ARHGAP25: variants seen among roughly 807,000 people sequenced by gnomAD.
The protein encoded by ARHGAP25 is rho GTPase-activating protein 25.
Under a neutral mutation model 71.0 loss-of-function variants are expected in ARHGAP25, and 34 were observed. The ratio of observed to expected loss-of-function variants is 0.48; its 90% confidence interval spans 0.36 to 0.64. The LOEUF (loss-of-function observed/expected upper bound fraction) is 0.64, where lower values mean the gene tolerates loss of function less well. ARHGAP25 is among the 30% of genes least tolerant of loss of function. The pLI is 0.00. For synonymous variants in ARHGAP25, 282 were observed against 296.5 expected (o/e 0.95, Z 0.50); for missense variants, 706 against 805.1 (o/e 0.88, Z 1.49).
intron 1 of ARHGAP25, among the ~76,000 whole-genome samples, chr2:68,751,415 A>G (rs1676168567): frequency 6.6e-6 from 1 of 152,262 alleles, no homozygotes; most frequent in African/African-American, 2.4e-5. Context: ...TATAAATACA[A>G]CTAAAGAGCC....
At chr2:68,735,912 T>C (rs1432184007) in intron 1 of ARHGAP25, among the ~76,000 whole-genome samples, 1 of 152,220 alleles carries the variant, frequency 6.6e-6, no homozygotes, top group East Asian at 1.9e-4. Context: ...CCATACCCTG[T>C]CCTTCTAATG....
chr2:68,826,179 C>T lies in ARHGAP25; in HGVS notation c.1926C>T (p.Pro642=). The T allele has an allele frequency of 6.2e-7, 1 of 1,614,130 alleles. No homozygotes were observed. The change falls in exon 11 of 11, where the codon CCC becomes CCT. Residue 642 remains proline, a synonymous_variant. Coordinates refer to ENST00000409202, the MANE Select transcript of ARHGAP25 (RefSeq NM_001007231.3). The part of the protein sequence containing the change: ...VKEFVKSMKE[P]KTEA Reference sequence around the variant, plus strand: ...AATTTGTCAAATCCATGAAGGAACCCAAGACCGAGGCTTAAGGGTCCCAGG... The same window carrying T: ...AATTTGTCAAATCCATGAAGGAACCTAAGACCGAGGCTTAAGGGTCCCAGG...
chr2:68,756,421 A>C (rs568570695), intron 1 of ARHGAP25, among the ~76,000 whole-genome samples: 1 of 152,322 alleles, frequency 6.6e-6, no homozygotes, highest in Admixed American at 6.5e-5. Flanking sequence ...GGCTGAAGTG[A>C]CTTCCAGGGG....
rs751066163 is a variant in ARHGAP25, at chr2:68,819,422, G to A, written c.1200+103G>A. ...GGTGGCAATTTGGGGAGTTTTAGGT[G>A]ATGCAGTGGCAGTGGGCGCTGCTGC... is the stretch of plus-strand genomic sequence containing the variant. On this transcript the variant is annotated intron_variant, in intron 9 of 10. Coordinates refer to ENST00000409202, the MANE Select transcript of ARHGAP25 (RefSeq NM_001007231.3). The A allele has an allele frequency of 2.5e-6, 3 of 1,214,400 alleles. No homozygotes were observed. In the African/African-American group the frequency reaches 4.5e-5, roughly 18 times the overall value. 75.2% of individuals were successfully genotyped at this position (1,214,400 alleles called of 1,614,324 possible).
chr2:68,719,367 G>C (rs987465353), intron 2 of ARHGAP25, among the ~76,000 whole-genome samples: 1 of 149,340 alleles, frequency 6.7e-6, no homozygotes, highest in Non-Finnish European at 1.5e-5. Flanking sequence ...CAGGTAGATA[G>C]TGTCAGAACC....
At chr2:68,747,361 G>C (rs2104305859) in intron 1 of ARHGAP25, among the ~76,000 whole-genome samples, 1 of 152,110 alleles carries the variant, frequency 6.6e-6, no homozygotes, top group East Asian at 1.9e-4. Context: ...TGAAAATGTG[G>C]GGTCCCTTGA....
chr2:68,792,466 G>A lies in ARHGAP25; in HGVS notation c.466+4510G>A, dbSNP rs181945557. 4.7e-4 allele frequency among the ~76,000 whole-genome samples: 71 copies of A among 152,244 alleles called. 1 individual carries two copies. In the East Asian group the frequency reaches 0.013, roughly 28 times the overall value. Reference sequence around the variant, plus strand: ...ATAATTCCATACTCTATGTCTGTGTGTACACGTTACTTAGCTCCCACTTAT... The same window carrying A: ...ATAATTCCATACTCTATGTCTGTGTATACACGTTACTTAGCTCCCACTTAT... On this transcript the variant is annotated intron_variant, in intron 4 of 10. Coordinates refer to ENST00000409202, the MANE Select transcript of ARHGAP25 (RefSeq NM_001007231.3).
At chr2:68,812,951 A>T (rs1357608908) in intron 5 of ARHGAP25, among the ~76,000 whole-genome samples, 1 of 152,246 alleles carries the variant, frequency 6.6e-6, no homozygotes. Flanking sequence ...GACTAATTAG[A>T]CAATGCTAAT....
chr2:68,785,545 G>A lies in ARHGAP25; in HGVS notation c.350-2295G>A, dbSNP rs370092148. Among the ~76,000 whole-genome samples the A allele has an allele frequency of 1.3e-4, 20 of 152,118 alleles. 1 individual carries two copies. Among genetic ancestry groups the A allele is most frequent in the African/African-American group, 4.1e-4 (17 of 41,514 alleles). On this transcript the variant is annotated intron_variant, in intron 3 of 10. Coordinates refer to ENST00000409202, the MANE Select transcript of ARHGAP25 (RefSeq NM_001007231.3). Reference sequence around the variant, plus strand: ...GCATGTAGCAAGCAAGTTTTTTTTCGGGGGTTTGGGGGTAAGGGCATCAGT... The same window carrying A: ...GCATGTAGCAAGCAAGTTTTTTTTCAGGGGTTTGGGGGTAAGGGCATCAGT...
chr2:68,715,011 G>A (rs901111580), intron 2 of ARHGAP25, among the ~76,000 whole-genome samples: 9 of 152,070 alleles, frequency 5.9e-5, no homozygotes, highest in Non-Finnish European at 1.0e-4. Flanking sequence ...TAGCTCTTCT[G>A]GTGGTTAGAA....
chr2:68,765,526 T>C (rs572325416), intron 1 of ARHGAP25, among the ~76,000 whole-genome samples: 10 of 152,344 alleles, frequency 6.6e-5, no homozygotes, highest in African/African-American at 2.4e-4. Context: ...TCACATTGTT[T>C]TATCTATCCC....
intron 3 of ARHGAP25, among the ~76,000 whole-genome samples, chr2:68,783,616 G>A (rs760562530): frequency 7.3e-5 from 11 of 151,672 alleles, no homozygotes; most frequent in Non-Finnish European, 8.8e-5. Context: ...GGTGTGTGCC[G>A]CCATGCCCAG....
Position 68,822,662 on chromosome 2 carries a change from C to T in ARHGAP25, c.1523C>T (p.Ser508Phe). Residue 508 changes from serine to phenylalanine, a missense_variant, in exon 10 of 11, where the codon TCC becomes TTC. Ser to Phe is a radical substitution (Grantham distance 155). Coordinates refer to ENST00000409202, the MANE Select transcript of ARHGAP25 (RefSeq NM_001007231.3). ...ACTTCCACCTACGATAACGTCCCTT[C>T]CCTGCCAGGGTCCCCTGGGGAGGAA... ...QRTSTYDNVPSLPGSPGEEAS... is the reference protein window; with the variant it reads ...QRTSTYDNVPFLPGSPGEEAS... 1.2e-6 allele frequency: 2 copies of T among 1,614,186 alleles called. No homozygotes were observed. Among genetic ancestry groups the T allele is most frequent in the Non-Finnish European group, 8.5e-7 (1 of 1,180,038 alleles).
chr2:68,798,724 C>T (rs1679750701), intron 4 of ARHGAP25, among the ~76,000 whole-genome samples: 2 of 152,128 alleles, frequency 1.3e-5, no homozygotes, highest in Admixed American at 1.3e-4. Flanking sequence ...TTAAGCTTAA[C>T]TCTGGAAGGC....
chr2:68,767,474 G>A lies in ARHGAP25; in HGVS notation c.62-7747G>A, dbSNP rs1015234716. 1.3e-5 allele frequency among the ~76,000 whole-genome samples: 2 copies of A among 152,066 alleles called. No individual in the cohort carries two copies. The highest frequency in any genetic ancestry group is 2.4e-5 in the African/African-American group (1 of 41,386). On this transcript the variant is annotated intron_variant, in intron 1 of 10. Coordinates refer to ENST00000409202, the MANE Select transcript of ARHGAP25 (RefSeq NM_001007231.3). The surrounding 1 kb of genome is among the most constrained non-coding windows in gnomAD (Gnocchi z 4.6). ...ATGTGTGCGGGGTGTGGGCAGGGAC[G>A]TATGAATCTGTTTATCATTTTCAGG...
rs552469605 is a variant in ARHGAP25 at position 68,735,108 on chromosome 2, C to A, written c.-92C>A. ...TCATAAGGAGGAACAAAAACAGACACAAAAACAGAGGGAAAGAGTGAAAAG... is the reference window on the plus strand; with the variant it reads ...TCATAAGGAGGAACAAAAACAGACAAAAAAACAGAGGGAAAGAGTGAAAAG... On this transcript the variant is annotated 5_prime_UTR_variant, in exon 1 of 11. Coordinates refer to ENST00000409202, the MANE Select transcript of ARHGAP25 (RefSeq NM_001007231.3). The A allele has an allele frequency of 4.4e-6, 5 of 1,149,364 alleles. No homozygotes were observed. The South Asian group carries it at 6.1e-5, about 14-fold the overall frequency. 71.2% of individuals were successfully genotyped at this position (1,149,364 alleles called of 1,614,324 possible). A position where few individuals can be genotyped will look rare whatever the true frequency, so the allele number is the denominator to read the frequency against.
chr2:68,738,974 C>G (rs901213150), intron 1 of ARHGAP25, among the ~76,000 whole-genome samples: 1 of 152,130 alleles, frequency 6.6e-6, no homozygotes, highest in Non-Finnish European at 1.5e-5. Flanking sequence ...CGTAATGTTG[C>G]TGTTGACTTA....
In ARHGAP25 at chr2:68,775,209, T is replaced by G; in HGVS notation, c.62-12T>G. The G allele has an allele frequency of 6.2e-7, 1 of 1,614,244 alleles. No homozygotes were observed. Among genetic ancestry groups the G allele is most frequent in the Non-Finnish European group, 8.5e-7 (1 of 1,180,048 alleles). ...TCCCTCGGTCAGTCGGCCTGTCTGTTCCTCTCTATAGCTCGGTCAAGGAGT... is the reference window on the plus strand; with the variant it reads ...TCCCTCGGTCAGTCGGCCTGTCTGTGCCTCTCTATAGCTCGGTCAAGGAGT... On this transcript the variant is annotated splice_polypyrimidine_tract_variant and intron_variant, in intron 1 of 10. Coordinates refer to ENST00000409202, the MANE Select transcript of ARHGAP25 (RefSeq NM_001007231.3).
At chr2:68,737,242 C>T (rs1293337354) in intron 1 of ARHGAP25, among the ~76,000 whole-genome samples, 1 of 152,154 alleles carries the variant, frequency 6.6e-6, no homozygotes, top group East Asian at 1.9e-4. Context: ...ACAGGACTTC[C>T]AGTCCCCTCT....
Sources: allele counts gnomAD v4.1 joint callset (sites outside exome capture counted in the v4.1 genomes callset), GRCh38; gene constraint gnomAD v4.1.1; non-coding constraint Gnocchi (gnomAD v3.1); transcripts MANE v1.5; gene names NCBI Gene and HGNC (gene_info 2026-07-23, HGNC 2026-07-21).